Variants in KLK15 observed in about 807,000 individuals in gnomAD.
The protein encoded by KLK15 is kallikrein-15.
In KLK15, 19 loss-of-function variants were observed where a neutral mutation model predicts 21.1. The ratio of observed to expected loss-of-function variants is 0.90; its 90% CI spans 0.63 to 1.32. The LOEUF is 1.32. KLK15 is among the 40% of genes most tolerant of loss of function. The pLI is 0.00. For synonymous variants in KLK15, 141 were observed against 141.5 expected (o/e 1.00, Z 0.03); for missense variants, 345 against 348.6 (o/e 0.99, Z 0.08).
upstream of KLK15, among the ~76,000 whole-genome samples, chr19:50,831,695 T>G (rs2123425317): frequency 6.6e-6 from 1 of 152,074 alleles, no homozygotes; most frequent in African/African-American, 2.4e-5. Context: ...CTCTGGAAGG[T>G]TTACTCTTCC....
At chr19:50,832,765 A>G (rs906228940), upstream of KLK15, among the ~76,000 whole-genome samples, 5 of 151,730 alleles carry the variant, frequency 3.3e-5, no homozygotes, top group South Asian at 1.0e-3. Flanking sequence ...CGCATATCCA[A>G]CGCCATTCCC....
intron 1 of KLK15, among the ~76,000 whole-genome samples, chr19:50,830,754 G>C (rs2089971306): frequency 6.6e-6 from 1 of 152,226 alleles, no homozygotes; most frequent in Admixed American, 6.5e-5. Context: ...GAGTTTGCCT[G>C]ACACCCAAGG....
At chr19:50,826,031 C>A in intron 4 of KLK15, 83 bp from the exon 6 acceptor site, 1 of 1,368,750 alleles carries the variant, frequency 7.3e-7, no homozygotes, top group South Asian at 1.4e-5. Context: ...AATCTCACCC[C>A]AAACCCAATC....
At chr19:50,829,051 T>TACAC (rs3077973) in intron 1 of KLK15, among the ~76,000 whole-genome samples, 1,792 of 117,878 alleles carry the variant, frequency 0.015, 51 homozygotes, top group African/African-American at 0.053. Flanking sequence ...AAGACATGAA[T>TACAC]ACATACACAC....
chr19:50,830,039 A>G (rs2089954491), intron 1 of KLK15, among the ~76,000 whole-genome samples: 1 of 151,420 alleles, frequency 6.6e-6, no homozygotes. Context: ...CCATCTCTAG[A>G]TCAGCCCCCA....
At chr19:50,833,500 C>G (rs117224391), upstream of KLK15, among the ~76,000 whole-genome samples, 74 of 152,320 alleles carry the variant, frequency 4.9e-4, no homozygotes, top group Non-Finnish European at 7.9e-4. Context: ...CTTTGCCCCT[C>G]CCTCAGTCTT....
At position 50,826,909 on chromosome 19, in the gene KLK15, C is replaced by G. The variant is rs61751958; in HGVS notation, c.450G>C (p.Glu150Asp). ...ACCGGGGGCTCCCAGCGGTCCCAGG[C>G]TCGTTGTGGGACACCAGGCCCCAGC... Residue 150 changes from glutamate (E) to aspartate (D), a missense_variant, in exon 3 of 5, where the codon GAG becomes GAC. By Grantham distance (45) the Glu-to-Asp change is conservative (BLOSUM62 2). Coordinates refer to ENST00000598239, the Ensembl canonical transcript of KLK15. 1,777 of 1,575,424 alleles carry G rather than the reference C, an allele frequency of 1.1e-3. 6 individuals are homozygous for G. The highest frequency in any genetic ancestry group is 4.3e-3 in the South Asian group (365 of 84,994).
exon 1 of KLK15, chr19:50,831,470 G>T: frequency 6.9e-7 from 1 of 1,449,058 alleles, no homozygotes; most frequent in South Asian, 1.5e-5. Context: ...CAGCAGGAAG[G>T]AGAGAGTGAG....
In KLK15 at chr19:50,831,432, C is replaced by T; in HGVS notation, c.43+18G>A. The T allele has an allele frequency of 1.4e-6, 2 of 1,417,728 alleles. No individual in the cohort carries two copies. The highest frequency in any genetic ancestry group is 1.8e-6 in the Non-Finnish European group (2 of 1,087,330). The allele number at this position is 1,417,728 out of a possible 1,614,324, so 87.8% of individuals were successfully genotyped here. On this transcript the variant is annotated intron_variant, in intron 1 of 4. Transcript: ENST00000598239. ...CACCTGCTCCCACAGACCTGGCCCC[C>T]TCCTGGGGCCACCTCACCTGTGGAT...
At chr19:50,825,710 T>C (rs1037548096), downstream of KLK15, 7 of 1,393,724 alleles carry the variant, frequency 5.0e-6, no homozygotes, top group African/African-American at 2.9e-5. Flanking sequence ...GGGGGATGGC[T>C]CCGTTCTGTT....
At chr19:50,827,147 C>T (rs115716744) in exon 3 of KLK15, 2 of 1,590,064 alleles carry the variant, frequency 1.3e-6, no homozygotes, top group Admixed American at 3.4e-5. Context: ...CTCTCCCAGG[C>T]GCACTCTCAT....
chr19:50,826,544 A>G, intron 4 of KLK15, 77 bp downstream of exon 5: 2 of 1,486,892 alleles, frequency 1.3e-6, no homozygotes, highest in South Asian at 1.4e-5. Flanking sequence ...CAAAGCAAAG[A>G]AAATCCAACC....
chr19:50,827,025 G>A (rs2089893074), exon 3 of KLK15: 25 of 1,606,132 alleles, frequency 1.6e-5, no homozygotes, highest in Non-Finnish European at 1.9e-5. Context: ...GGCTGGACTA[G>A]GCGCAGCAAC....
exon 1 of KLK15, chr19:50,831,452 G>C: frequency 1.4e-6 from 2 of 1,436,260 alleles, no homozygotes; most frequent in Non-Finnish European, 1.8e-6. Context: ...CACCTCACCT[G>C]TGGATGCCAG....
chr19:50,831,292 C>T (rs965771391), intron 1 of KLK15, 158 bp downstream of exon 2: 16 of 486,008 alleles, frequency 3.3e-5, no homozygotes, highest in East Asian at 7.2e-5. Context: ...CAGCACCTGA[C>T]GGTAAGGGCT....
intron 4 of KLK15, chr19:50,826,360 T>TCAAAC (rs2089878807): frequency 2.1e-6 from 1 of 473,234 alleles, no homozygotes; most frequent in Non-Finnish European, 3.7e-6. Context: ...CCACCCAGAA[T>TCAAAC]CAAACCAAAC....
intron 2 of KLK15, 65 bp downstream of exon 3, chr19:50,827,597 C>G: frequency 6.5e-7 from 1 of 1,540,842 alleles, no homozygotes; most frequent in Non-Finnish European, 8.9e-7. Flanking sequence ...CCGTCTTCCC[C>G]CAAATCTAGG....
At chr19:50,832,331 T>C (rs575687442), upstream of KLK15, among the ~76,000 whole-genome samples, 1 of 147,884 alleles carries the variant, frequency 6.8e-6, no homozygotes, top group South Asian at 2.2e-4. Flanking sequence ...TCTTTTTTTT[T>C]TTTTTTTTTG....
In KLK15 at chr19:50,827,172, G is replaced by A. The variant is rs1343410688; in HGVS notation, c.198-11C>T. 2.6e-6 allele frequency: 4 copies of A among 1,561,288 alleles called. No homozygotes were observed. Among genetic ancestry groups the A allele is most frequent in the South Asian group, 1.2e-5 (1 of 84,520 alleles). Reference sequence around the variant, plus strand: ...CGCACTCTCATGAAGCTGTGCGGGCGAGTGGTTTTCCCGCCAGTGGAGTGC... The same window carrying A: ...CGCACTCTCATGAAGCTGTGCGGGCAAGTGGTTTTCCCGCCAGTGGAGTGC... On this transcript the variant is annotated splice_polypyrimidine_tract_variant and intron_variant, in intron 2 of 4. Transcript: ENST00000598239.
Sources: allele counts gnomAD v4.1 joint callset (sites outside exome capture counted in the v4.1 genomes callset), GRCh38; gene constraint gnomAD v4.1.1; transcripts MANE v1.5; gene names NCBI Gene and HGNC (gene_info 2026-07-23, HGNC 2026-07-21).